SPECC1: variants seen among roughly 807,000 people sequenced by gnomAD.
SPECC1 encodes sperm antigen with calponin homology and coiled-coil domains 1, also known as cytospin-B.
SPECC1 carries 62 observed loss-of-function variants against 104.1 expected under a neutral mutation model. The ratio of observed to expected loss-of-function variants is 0.60; its 90% CI spans 0.49 to 0.74. The LOEUF (loss-of-function observed/expected upper bound fraction) is 0.74. Among genes scored for constraint, SPECC1 ranks in the 30% least tolerant of loss-of-function variants. The pLI is 0.00. For missense variants in SPECC1, 1,306 were observed against 1,310.5 expected (o/e 1.00, Z 0.05); for synonymous variants, 513 against 501.6 (o/e 1.02, Z -0.30).
intron 3 of SPECC1, among the ~76,000 whole-genome samples, chr17:20,184,493 A>G (rs754041417): frequency 6.6e-6 from 1 of 152,160 alleles, no homozygotes; most frequent in Non-Finnish European, 1.5e-5. Flanking sequence ...TATTGTTTTT[A>G]TATGTGAGGG....
chr17:20,204,298 T>C (rs748037895), intron 3 of SPECC1, 35 bp from the exon 4 acceptor site: 7 of 1,577,646 alleles, frequency 4.4e-6, no homozygotes, highest in Non-Finnish European at 6.0e-6. Context: ...AATGCTTGCT[T>C]TATTTTTTCA....
chr17:20,139,939 G>T (rs771583730), intron 3 of SPECC1, among the ~76,000 whole-genome samples: 1 of 152,114 alleles, frequency 6.6e-6, no homozygotes, highest in Non-Finnish European at 1.5e-5. Context: ...CTCCCAAAGT[G>T]CCGGGATTAC....
At chr17:20,199,045 A>G (rs1445151013) in intron 3 of SPECC1, among the ~76,000 whole-genome samples, 3 of 149,040 alleles carry the variant, frequency 2.0e-5, no homozygotes, top group East Asian at 1.9e-4. Flanking sequence ...TCTAGGCTAC[A>G]TATGTGGTAA....
chr17:20,097,667 T>A (rs1364389576), intron 2 of SPECC1, among the ~76,000 whole-genome samples: 1 of 152,114 alleles, frequency 6.6e-6, no homozygotes, highest in Non-Finnish European at 1.5e-5. Flanking sequence ...CGGCTCCCTT[T>A]GTTTTAGTAT....
intron 12 of SPECC1, among the ~76,000 whole-genome samples, chr17:20,279,111 C>G (rs2040671591): frequency 6.6e-6 from 1 of 152,148 alleles, no homozygotes; most frequent in Non-Finnish European, 1.5e-5. Flanking sequence ...TCTCCATCCC[C>G]CAGGACAGCA....
chr17:20,177,866 C>T (rs748331464), intron 3 of SPECC1, among the ~76,000 whole-genome samples: 4 of 152,002 alleles, frequency 2.6e-5, no homozygotes, highest in African/African-American at 4.8e-5. Context: ...TGTGCCACCA[C>T]GCCCGGCTAA....
At chr17:20,140,978 G>A (rs8078716) in intron 3 of SPECC1, among the ~76,000 whole-genome samples, 85,941 of 151,960 alleles carry the variant, frequency 0.57, 24,890 homozygotes, top group Middle Eastern at 0.61. Context: ...CCTTTTCACA[G>A]TCACTCTGGT....
At chr17:20,015,584 A>ATTTTTTTTTTTTTTTTT (rs1222758913) in intron 1 of SPECC1, among the ~76,000 whole-genome samples, 1 of 102,072 alleles carries the variant, frequency 9.8e-6, no homozygotes, top group Non-Finnish European at 2.0e-5. Context: ...CCGGGTCTCT[A>ATTTTTTTTTTTTTTTTT]TTTTTTTTTT....
At chr17:20,206,767 A>G (rs1339582170) in intron 4 of SPECC1, among the ~76,000 whole-genome samples, 3 of 152,208 alleles carry the variant, frequency 2.0e-5, no homozygotes, top group Non-Finnish European at 2.9e-5. Context: ...CTTTCAACAC[A>G]TTCAGCCAGA....
chr17:20,265,140 A>G (rs533259305), intron 12 of SPECC1, among the ~76,000 whole-genome samples: 1 of 152,252 alleles, frequency 6.6e-6, no homozygotes, highest in Admixed American at 6.5e-5. Flanking sequence ...TAGTCATGGG[A>G]TTGCTGGGTC....
intron 7 of SPECC1, among the ~76,000 whole-genome samples, chr17:20,244,407 T>C (rs1444992882): frequency 1.3e-5 from 2 of 152,220 alleles, no homozygotes; most frequent in African/African-American, 2.4e-5. Context: ...AATAAAATTA[T>C]TTAAAAATTA....
At chr17:20,221,672 T>A (rs1308184595) in intron 4 of SPECC1, among the ~76,000 whole-genome samples, 1 of 152,156 alleles carries the variant, frequency 6.6e-6, no homozygotes, top group Non-Finnish European at 1.5e-5. Flanking sequence ...ATCTTTATTG[T>A]TTCTTCTCAT....
intron 13 of SPECC1, among the ~76,000 whole-genome samples, chr17:20,304,961 C>T (rs145958039): frequency 6.6e-6 from 1 of 151,926 alleles, no homozygotes; most frequent in African/African-American, 2.4e-5. Context: ...GTAAGGAAAA[C>T]CCCAAACAAG....
chr17:20,203,642 T>C (rs2036578481), intron 3 of SPECC1, among the ~76,000 whole-genome samples: 1 of 152,242 alleles, frequency 6.6e-6, no homozygotes, highest in Admixed American at 6.5e-5. Context: ...CTTAATCAAA[T>C]TTATGCTGTC....
chr17:20,051,106 T>C (rs2045744748), intron 1 of SPECC1, among the ~76,000 whole-genome samples: 1 of 129,874 alleles, frequency 7.7e-6, no homozygotes, highest in Non-Finnish European at 1.6e-5. Flanking sequence ...CTTTCTTTCT[T>C]TCTTTCTTTC....
intron 12 of SPECC1, among the ~76,000 whole-genome samples, chr17:20,289,631 G>A (rs2041089450): frequency 6.6e-6 from 1 of 152,170 alleles, no homozygotes; most frequent in Non-Finnish European, 1.5e-5. Flanking sequence ...TTATACTGTT[G>A]GTGGGAATGT....
chr17:20,112,777 G>C, intron 3 of SPECC1: 2 of 1,362,448 alleles, frequency 1.5e-6, no homozygotes, highest in Non-Finnish European at 2.1e-6. Context: ...AAGGAAGTCA[G>C]ATAACAGGAA....
At chr17:20,147,800 C>G (rs1019366829) in intron 3 of SPECC1, among the ~76,000 whole-genome samples, 5 of 152,120 alleles carry the variant, frequency 3.3e-5, no homozygotes, top group African/African-American at 1.2e-4. Context: ...CTTCAGGAGG[C>G]CAAGTAGGGA....
At chr17:20,119,392 C>T (rs2048918318) in intron 3 of SPECC1, among the ~76,000 whole-genome samples, 1 of 152,234 alleles carries the variant, frequency 6.6e-6, no homozygotes, top group African/African-American at 2.4e-5. Flanking sequence ...GCCACCACGC[C>T]CAGCTAATGT....
Sources: gnomAD v4.1 joint callset for allele counts (sites outside exome capture counted in the v4.1 genomes callset) on GRCh38, gnomAD v4.1.1 for gene constraint, MANE v1.5 for transcripts, NCBI Gene and HGNC (gene_info 2026-07-23, HGNC 2026-07-21) for gene names.